The following PRKAG2 variants were observed in gnomAD, a reference collection of about 807,000 sequenced individuals.
PRKAG2 encodes 5'-AMP-activated protein kinase subunit gamma-2.
Under a neutral mutation model 69.6 loss-of-function variants are expected in PRKAG2, and 26 were observed. The observed-to-expected ratio is 0.37, with a 90% CI of 0.27 to 0.52. The LOEUF (loss-of-function observed/expected upper bound fraction) is 0.52, where lower values mean the gene tolerates loss of function less well. PRKAG2 is among the 20% of genes least tolerant of loss of function. The pLI is 0.90. For missense variants in PRKAG2, 557 were observed against 740.0 expected (o/e 0.75, Z 2.87); for synonymous variants, 293 against 285.0 (o/e 1.03, Z -0.28).
At chr7:151,651,123 G>A (rs1292816664) in intron 4 of PRKAG2, among the ~76,000 whole-genome samples, 2 of 152,196 alleles carry the variant, frequency 1.3e-5, no homozygotes, top group East Asian at 3.8e-4. Flanking sequence ...GCCACGATGA[G>A]CTTGACAATT....
In PRKAG2 at chr7:151,699,404, G is replaced by A. The variant is rs1229809612; in HGVS notation, c.467-23767C>T. 6.6e-6 allele frequency among the ~76,000 whole-genome samples: 1 copy of A among 152,226 alleles called. No individual in the cohort carries two copies. Among genetic ancestry groups the A allele is most frequent in the Non-Finnish European group, 1.5e-5 (1 of 68,046 alleles). On this transcript the variant is annotated intron_variant, in intron 3 of 15. Transcript: ENST00000287878. This position sits in a 1 kb window ranked among gnomAD's most constrained non-coding sequence, Gnocchi z 4.5. ...CATCTCAGCCCCCTGCTGAGAAAGA[G>A]GCGCTAAGGTGGCCCTGGAGCCGTG...
chr7:151,706,827 C>T (rs1356517982), intron 3 of PRKAG2, among the ~76,000 whole-genome samples: 1 of 152,216 alleles, frequency 6.6e-6, no homozygotes, highest in African/African-American at 2.4e-5. Flanking sequence ...AGCCGGAGGC[C>T]ACGGTGGTTC....
intron 8 of PRKAG2, among the ~76,000 whole-genome samples, chr7:151,573,921 G>C (rs1010362289): frequency 6.6e-6 from 1 of 152,096 alleles, no homozygotes; most frequent in Non-Finnish European, 1.5e-5. Context: ...TGGGATTACA[G>C]ATGCCCGCTG....
In PRKAG2 at chr7:151,627,480, G is replaced by T. The variant is rs542959396; in HGVS notation, c.754+4589C>A. Among the ~76,000 whole-genome samples, 19 of 152,066 alleles carry T rather than the reference G, an allele frequency of 1.2e-4. No individual in the cohort carries two copies. The South Asian group carries it at 3.9e-3, about 32-fold the overall frequency. ...ATCTCTACTAAAAATACAAAAATTA[G>T]CCAGGCATGCTGGTGCATGCCTGTA... On this transcript the variant is annotated intron_variant, in intron 5 of 15. Transcript: ENST00000287878.
intron 5 of PRKAG2, among the ~76,000 whole-genome samples, chr7:151,628,036 C>T (rs556167597): frequency 3.9e-5 from 6 of 152,092 alleles, no homozygotes; most frequent in African/African-American, 9.7e-5. Context: ...ATGAAATAAG[C>T]GGCAAATGAG....
chr7:151,854,982 T>C (rs373506928), intron 1 of PRKAG2, among the ~76,000 whole-genome samples: 6,483 of 19,120 alleles, frequency 0.34, 347 homozygotes, highest in East Asian at 0.42. Flanking sequence ...ACACACACCA[T>C]GCTCCACACA....
At chr7:151,837,537 A>G (rs1384532812) in intron 1 of PRKAG2, 3 of 152,222 alleles carry the variant, frequency 2.0e-5, no homozygotes, top group African/African-American at 4.8e-5. Context: ...TAGTATAGTC[A>G]TGGTTAATAT....
chr7:151,568,709 T>G lies in PRKAG2; in HGVS notation c.1233+7A>C. On this transcript the variant is annotated splice_region_variant and intron_variant, in intron 11 of 15. Coordinates refer to ENST00000287878, the MANE Select transcript of PRKAG2 (RefSeq NM_016203.4). ...TTATGTCTTTAGAAACGCTAAAAAC[T>G]ACTTACAAAAAGCTGGAGGAACTTG... The G allele has an allele frequency of 1.9e-6, 3 of 1,613,580 alleles. No homozygotes were observed. Among genetic ancestry groups the G allele is most frequent in the Non-Finnish European group, 2.5e-6 (3 of 1,179,586 alleles).
At chr7:151,576,577 A>G (rs1465188728) in intron 6 of PRKAG2, 125 bp from the exon 7 acceptor site, 6 of 803,246 alleles carry the variant, frequency 7.5e-6, no homozygotes, top group Non-Finnish European at 1.0e-5. Flanking sequence ...CTTGGCTCAC[A>G]GCAACCTCTG....
At chr7:151,631,614 A>G (rs1017300770) in intron 5 of PRKAG2, 6 of 452,250 alleles carry the variant, frequency 1.3e-5, no homozygotes, top group Non-Finnish European at 2.7e-5. Context: ...AACTTTCCCC[A>G]TTAAAAAAGA....
In PRKAG2 at chr7:151,863,337, G is replaced by A. The variant is rs186951874; in HGVS notation, c.114+13170C>T. Among the ~76,000 whole-genome samples, 87 of 152,104 alleles carry A rather than the reference G, an allele frequency of 5.7e-4. No individual in the cohort carries two copies. In the East Asian group the frequency reaches 8.9e-3, roughly 16 times the overall value. On this transcript the variant is annotated intron_variant, in intron 1 of 15. Transcript: ENST00000287878. ...GACTTGCCCTCACCCGACGGGATCC[G>A]CCTCACCCAAGTTCACATCCCCTTC...
At chr7:151,596,054 AC>A (rs1383175549) in intron 5 of PRKAG2, among the ~76,000 whole-genome samples, 1 of 152,152 alleles carries the variant, frequency 6.6e-6, no homozygotes, top group Non-Finnish European at 1.5e-5. Context: ...GAAAAAAAAG[AC>A]CAGGAACAAG....
intron 5 of PRKAG2, among the ~76,000 whole-genome samples, chr7:151,625,399 G>A (rs1322854554): frequency 6.6e-6 from 1 of 152,164 alleles, no homozygotes; most frequent in Non-Finnish European, 1.5e-5. Flanking sequence ...CACCAGGTGA[G>A]GCTGGGGAGG....
rs767613486 is a variant in PRKAG2, at chr7:151,786,518, C to A, written c.138G>T (p.Pro46=). The A allele has an allele frequency of 3.7e-6, 6 of 1,612,974 alleles. No individual in the cohort carries two copies. Among genetic ancestry groups the A allele is most frequent in the South Asian group, 1.1e-5 (1 of 90,568 alleles). The change falls in exon 2 of 16, where the codon CCG becomes CCT. Residue 46 remains proline, a synonymous_variant. Coordinates refer to ENST00000287878, the MANE Select transcript of PRKAG2 (RefSeq NM_016203.4). ...AACCCTCCAGGTCTCCGTCCAGGAG[C>A]GGCATGGCGAAGGAGCTCAGGTCCT... ...HIPDLSSFAM[P]LLDGDLEGSG...
intron 1 of PRKAG2, among the ~76,000 whole-genome samples, chr7:151,793,516 G>T (rs1044855729): frequency 6.6e-6 from 1 of 152,244 alleles, no homozygotes; most frequent in African/African-American, 2.4e-5. Flanking sequence ...GGAAAGCTGC[G>T]TGTGGCATCT....
chr7:151,817,187 G>A (rs1354654058), intron 1 of PRKAG2, among the ~76,000 whole-genome samples: 2 of 152,146 alleles, frequency 1.3e-5, no homozygotes, highest in South Asian at 2.1e-4. Flanking sequence ...CCTGGAGGGC[G>A]GAGTCAGCTG....
intron 3 of PRKAG2, among the ~76,000 whole-genome samples, chr7:151,702,654 T>C (rs1345984736): frequency 6.6e-6 from 1 of 152,248 alleles, no homozygotes; most frequent in East Asian, 1.9e-4. Context: ...GAGGCATTCA[T>C]AGTCCCAAGA....
rs756055652 is a variant in PRKAG2, at chr7:151,688,045, C to CCCCCCCCG, written c.467-12409_467-12408insCGGGGGGG. Among the ~76,000 whole-genome samples the CCCCCCCCG allele has an allele frequency of 2.5e-3, 271 of 107,880 alleles. 22 individuals are homozygous for CCCCCCCCG. The highest frequency in any genetic ancestry group is 5.1e-3 in the Non-Finnish European group (235 of 45,854). The allele number at this position is 107,880 out of a possible 152,430, so 70.8% of individuals were successfully genotyped here. A position where few individuals can be genotyped will look rare whatever the true frequency, so the allele number is the denominator to read the frequency against. ...AGGAGGAGGAGGAGGAAATGAGGCC[C>CCCCCCCCG]CCCCCCGGGCTCCTTGCTGAGTCAG... is the stretch of plus-strand genomic sequence containing the variant. On this transcript the variant is annotated intron_variant, in intron 3 of 15. Transcript: ENST00000287878.
rs192084940 is a variant in PRKAG2, at chr7:151,699,679, G to C, written c.467-24042C>G. The stretch of plus-strand genomic sequence containing the variant: ...TTGGGGTAACAGAACCCAGCCTACG[G>C]GCCAGAAAGAAATGCATGAGCCATT... On this transcript the variant is annotated intron_variant, in intron 3 of 15. Coordinates refer to ENST00000287878, the MANE Select transcript of PRKAG2 (RefSeq NM_016203.4). This position sits in a 1 kb window ranked among gnomAD's most constrained non-coding sequence, Gnocchi z 4.5. 1.3e-5 allele frequency among the ~76,000 whole-genome samples: 2 copies of C among 152,286 alleles called. No homozygotes were observed. Among genetic ancestry groups the C allele is most frequent in the Non-Finnish European group, 2.9e-5 (2 of 68,016 alleles).
Sources: gnomAD v4.1 joint callset for allele counts (sites outside exome capture counted in the v4.1 genomes callset) on GRCh38, gnomAD v4.1.1 for gene constraint, Gnocchi (gnomAD v3.1) non-coding constraint, MANE v1.5 for transcripts, NCBI Gene and HGNC (gene_info 2026-07-23, HGNC 2026-07-21) for gene names.